C13orf42: variants seen among roughly 807,000 people sequenced by gnomAD.
C13orf42 encodes uncharacterized protein C13orf42.
In C13orf42 at chr13:51,140,877, C is replaced by A. The variant is rs781347303; in HGVS notation, n.137-27655G>T. Among the ~76,000 whole-genome samples the A allele has an allele frequency of 3.5e-4, 53 of 152,194 alleles. No homozygotes were observed. The Middle Eastern group carries it at 0.01, about 29-fold the overall frequency. On this transcript the variant is annotated intron_variant and non_coding_transcript_variant, in intron 1 of 4. Transcript: ENST00000433280. ...GGTTTGGGATTCTGTCTTGCAAATT[C>A]TTTTCAAACTACTCAAGTTAGCATT... is the stretch of plus-strand genomic sequence containing the variant.
chr13:51,132,600 T>A (rs553395458), intron 1 of C13orf42, among the ~76,000 whole-genome samples: 5 of 152,124 alleles, frequency 3.3e-5, no homozygotes, highest in Admixed American at 1.3e-4. Context: ...CTTGGGAATA[T>A]CATCGCCCCT....
rs968529991 is a variant in C13orf42, at chr13:51,159,289, T to G, written n.136+12964A>C. On this transcript the variant is annotated intron_variant and non_coding_transcript_variant, in intron 1 of 4. Transcript: ENST00000433280. ...TTCCCCGGAGGTTGCTTTTTGTGGA[T>G]TTCAGACAGCACCACACTTGTTTTC... Among the ~76,000 whole-genome samples, 14 of 152,240 alleles carry G rather than the reference T, an allele frequency of 9.2e-5. 1 individual carries two copies. The highest frequency in any genetic ancestry group is 4.1e-4 in the South Asian group (2 of 4,820).
At chr13:51,164,470 T>G (rs1002128427) in intron 1 of C13orf42, among the ~76,000 whole-genome samples, 4 of 152,116 alleles carry the variant, frequency 2.6e-5, no homozygotes, top group Non-Finnish European at 5.9e-5. Context: ...AAGACCAGCC[T>G]AGGCAACATA....
At chr13:51,109,420 C>T (rs1047331336) in intron 1 of C13orf42, among the ~76,000 whole-genome samples, 1 of 152,110 alleles carries the variant, frequency 6.6e-6, no homozygotes, top group African/African-American at 2.4e-5. Flanking sequence ...TGGAAGTATA[C>T]AACAAAACAG....
intron 1 of C13orf42, among the ~76,000 whole-genome samples, chr13:51,125,593 G>A (rs1032137018): frequency 2.0e-5 from 3 of 152,190 alleles, no homozygotes; most frequent in Non-Finnish European, 4.4e-5. Flanking sequence ...AAAAATTCAA[G>A]ACTCAGCATG....
At chr13:51,140,792 C>T (rs1953689853) in intron 1 of C13orf42, among the ~76,000 whole-genome samples, 1 of 152,058 alleles carries the variant, frequency 6.6e-6, no homozygotes, top group Non-Finnish European at 1.5e-5. Context: ...AAGGTTTTTT[C>T]CCACTTCTAG....
upstream of C13orf42, among the ~76,000 whole-genome samples, chr13:51,112,291 G>C (rs553146078): frequency 1.3e-5 from 2 of 152,140 alleles, no homozygotes; most frequent in African/African-American, 2.4e-5. Flanking sequence ...CCCAGAAATT[G>C]TATGTAAAGC....
intron 1 of C13orf42, among the ~76,000 whole-genome samples, chr13:51,095,279 TTA>T (rs1953220015): frequency 6.6e-6 from 1 of 150,606 alleles, no homozygotes; most frequent in African/African-American, 2.5e-5. Flanking sequence ...AGCAATTTTA[TTA>T]TGATATATGT....
At chr13:51,128,127 G>A (rs1953589905) in intron 1 of C13orf42, among the ~76,000 whole-genome samples, 1 of 152,198 alleles carries the variant, frequency 6.6e-6, no homozygotes, top group Non-Finnish European at 1.5e-5. Context: ...AAAAAGGGGA[G>A]GCATGAATAA....
chr13:51,121,490 T>C (rs1377007855), intron 1 of C13orf42, among the ~76,000 whole-genome samples: 1 of 152,138 alleles, frequency 6.6e-6, no homozygotes, highest in Non-Finnish European at 1.5e-5. Context: ...GTGCATTCAC[T>C]TTGATTTGGC....
chr13:51,113,540 C>G (rs1202673136), upstream of C13orf42, among the ~76,000 whole-genome samples: 1 of 151,490 alleles, frequency 6.6e-6, no homozygotes, highest in East Asian at 1.9e-4. Context: ...GGTGTGAAAT[C>G]ACCTTGTGGT....
chr13:51,098,188 C>T (rs1953254758), intron 1 of C13orf42, among the ~76,000 whole-genome samples: 1 of 152,022 alleles, frequency 6.6e-6, no homozygotes. Flanking sequence ...GGCTTCACCA[C>T]CCTCCGGGTA....
intron 1 of C13orf42, among the ~76,000 whole-genome samples, chr13:51,097,596 T>C (rs1566124902): frequency 6.6e-6 from 1 of 152,162 alleles, no homozygotes; most frequent in Non-Finnish European, 1.5e-5. Context: ...CCTTCAGGGC[T>C]CAGGCTATTG....
chr13:51,105,906 C>T (rs1953349717), intron 1 of C13orf42, among the ~76,000 whole-genome samples: 1 of 152,190 alleles, frequency 6.6e-6, no homozygotes, highest in Non-Finnish European at 1.5e-5. Flanking sequence ...GCTAATTCAG[C>T]TGCCATAGAT....
intron 1 of C13orf42, among the ~76,000 whole-genome samples, chr13:51,157,420 C>T (rs1311500534): frequency 3.3e-5 from 5 of 151,950 alleles, no homozygotes; most frequent in Admixed American, 6.6e-5. Context: ...GGCGACAGAG[C>T]GAGACTCCAT....
chr13:51,114,819 T>G (rs539278703), upstream of C13orf42, among the ~76,000 whole-genome samples: 2 of 152,306 alleles, frequency 1.3e-5, no homozygotes, highest in East Asian at 3.9e-4. Context: ...ACGTACAACA[T>G]GAGGAGTACA....
rs908457265 is a variant in C13orf42 at position 51,111,034 on chromosome 13, G to A, written c.176C>T (p.Thr59Ile). Residue 59 changes from threonine (T) to isoleucine (I), a missense_variant, in exon 1 of 4, where the codon ACC becomes ATC. Transcript: ENST00000563710. ...FSESLKKYKSTSSMDTSLYYL... is the reference protein window; with the variant it reads ...FSESLKKYKSISSMDTSLYYL... ...GTACAGGCTGGTGTCCATGCTACTG[G>A]TGCTTTTGTACTTCTTTAAGGACTC... The A allele has an allele frequency of 7.5e-6, 3 of 398,624 alleles. No individual in the cohort carries two copies. Among genetic ancestry groups the A allele is most frequent in the African/African-American group, 6.2e-5 (3 of 48,636 alleles). 24.7% of individuals were successfully genotyped at this position (398,624 alleles called of 1,614,324 possible).
intron 1 of C13orf42, among the ~76,000 whole-genome samples, chr13:51,122,631 T>C (rs982950816): frequency 1.3e-5 from 2 of 152,078 alleles, no homozygotes; most frequent in Non-Finnish European, 2.9e-5. Context: ...CGTCATCTTG[T>C]TATAAAGTGC....
intron 1 of C13orf42, among the ~76,000 whole-genome samples, chr13:51,130,110 T>C (rs1293268901): frequency 6.6e-6 from 1 of 152,232 alleles, no homozygotes; most frequent in Non-Finnish European, 1.5e-5. Flanking sequence ...AAATATTTTT[T>C]CAGAAAAGTA....
Sources: gnomAD v4.1 joint callset for allele counts (sites outside exome capture counted in the v4.1 genomes callset) on GRCh38, gnomAD v4.1.1 for gene constraint, MANE v1.5 for transcripts, NCBI Gene and HGNC (gene_info 2026-07-23, HGNC 2026-07-21) for gene names.